RCSD1: variants seen among roughly 807,000 people sequenced by gnomAD.
RCSD1 encodes the protein RCSD domain containing 1, also known as capZ-interacting protein.
A neutral mutation model predicts 42.5 loss-of-function variants in RCSD1; 26 were observed. That is an observed-to-expected ratio of 0.61 (90% CI 0.45 to 0.85). The LOEUF is 0.85. RCSD1 is among the 40% of genes least tolerant of loss of function. The pLI is 0.00. For missense variants in RCSD1, 571 were observed against 528.3 expected (o/e 1.08, Z -0.79); for synonymous variants, 220 against 212.2 (o/e 1.04, Z -0.32).
At position 167,667,324 on chromosome 1, in the gene RCSD1, G is replaced by T. The variant is rs543225931; in HGVS notation, c.7-16576G>T. Among the ~76,000 whole-genome samples, 230 of 152,296 alleles carry T rather than the reference G, an allele frequency of 1.5e-3. 1 individual carries two copies. Among genetic ancestry groups the T allele is most frequent in the Admixed American group, 3.4e-3 (52 of 15,302 alleles). Reference sequence around the variant, plus strand: ...GTGACTGAAGGCAGATACTGAGACCGGACCAGAGATGTGGACTTCAGAACT... The same window carrying T: ...GTGACTGAAGGCAGATACTGAGACCTGACCAGAGATGTGGACTTCAGAACT... On this transcript the variant is annotated intron_variant, in intron 1 of 6. Transcript: ENST00000367854.
chr1:167,683,386 C>A (rs1326728564), intron 1 of RCSD1, among the ~76,000 whole-genome samples: 1 of 152,238 alleles, frequency 6.6e-6, no homozygotes. Context: ...GGCAGTTTGG[C>A]TCCCATCCAC....
chr1:167,697,099 G>T lies in RCSD1; in HGVS notation c.475G>T (p.Val159Leu). The T allele has an allele frequency of 6.2e-7, 1 of 1,610,148 alleles. No individual in the cohort carries two copies. The highest frequency in any genetic ancestry group is 8.5e-7 in the Non-Finnish European group (1 of 1,178,082). The change falls in exon 6 of 7, where the codon GTG becomes TTG. Residue 159 changes from valine to leucine, a missense_variant and splice_region_variant. Val to Leu is a conservative substitution (Grantham distance 32). Transcript: ENST00000367854. The part of the protein sequence containing the change: ...EGSHLPCYNK[V>L]RTRGSIKRRP... ...AACTTTCCTTAACACTTTCTTCTAG[G>T]TGCGGACGAGGGGCTCAATAAAAAG...
At chr1:167,670,789 GGCATCATCTTGA>G (rs1658788782) in intron 1 of RCSD1, among the ~76,000 whole-genome samples, 1 of 151,840 alleles carries the variant, frequency 6.6e-6, no homozygotes, top group Non-Finnish European at 1.5e-5. Flanking sequence ...CAGAAATCTG[GGCATCATCTTGA>G]CTCCACCCTG....
rs150804905 is a variant in RCSD1, at chr1:167,694,249, C to A, written c.421C>A (p.Pro141Thr). Residue 141 changes from proline (P) to threonine (T), a missense_variant, in exon 5 of 7, where the codon CCT becomes ACT. Coordinates refer to ENST00000367854, the MANE Select transcript of RCSD1 (RefSeq NM_052862.4). ...RSRPSEAEEVPVSFDQPPEGS... is the reference protein window; with the variant it reads ...RSRPSEAEEVTVSFDQPPEGS... ...TAGGCCCAGCGAGGCAGAGGAGGTG[C>A]CTGTCAGCTTCGACCAGCCCCCTGA... The A allele has an allele frequency of 6.8e-6, 11 of 1,614,088 alleles. No individual in the cohort carries two copies. Among genetic ancestry groups the A allele is most frequent in the East Asian group, 6.7e-5 (3 of 44,890 alleles).
intron 6 of RCSD1, among the ~76,000 whole-genome samples, chr1:167,702,389 G>A (rs919670447): frequency 3.3e-5 from 5 of 152,224 alleles, no homozygotes; most frequent in Admixed American, 2.6e-4. Context: ...CAAGCTGGAC[G>A]TATCAAGTCA....
Position 167,697,586 on chromosome 1 carries a change from G to A in RCSD1, c.962G>A (p.Arg321Lys), listed in dbSNP as rs372072962. 4 of 1,608,006 alleles carry A rather than the reference G, an allele frequency of 2.5e-6. No homozygotes were observed. The highest frequency in any genetic ancestry group is 3.4e-6 in the Non-Finnish European group (4 of 1,177,348). Residue 321 changes from arginine to lysine, a missense_variant, in exon 6 of 7, where the codon AGG (arginine) becomes AAG (lysine). Transcript: ENST00000367854. ...MEKATEVKGERVQNEEVGPEH... is the reference protein window; with the variant it reads ...MEKATEVKGEKVQNEEVGPEH... ...AAGGCTACAGAGGTGAAGGGGGAGAGGGTGCAAAATGAAGAGGTGGGACCT... is the reference window on the plus strand; with the variant it reads ...AAGGCTACAGAGGTGAAGGGGGAGAAGGTGCAAAATGAAGAGGTGGGACCT...
intron 1 of RCSD1, among the ~76,000 whole-genome samples, chr1:167,665,532 G>A (rs929106063): frequency 2.0e-5 from 3 of 152,182 alleles, no homozygotes; most frequent in Non-Finnish European, 4.4e-5. Flanking sequence ...TTCACGAGCA[G>A]CTACCAAAAT....
chr1:167,664,228 A>G (rs372331024), intron 1 of RCSD1: 5 of 152,388 alleles, frequency 3.3e-5, no homozygotes, highest in East Asian at 3.9e-4. Context: ...TGTCTCCACT[A>G]TCTTGCTGCA....
chr1:167,693,177 A>G (rs192806861), intron 4 of RCSD1, among the ~76,000 whole-genome samples: 297 of 152,252 alleles, frequency 2.0e-3, no homozygotes, highest in African/African-American at 6.8e-3. Context: ...AGTCTCAAAG[A>G]GGCTCTGTCT....
At chr1:167,653,384 C>T (rs1658355300) in intron 1 of RCSD1, among the ~76,000 whole-genome samples, 1 of 152,236 alleles carries the variant, frequency 6.6e-6, no homozygotes, top group South Asian at 2.1e-4. Context: ...CAGTGGTTCT[C>T]AACTCTGGAT....
At chr1:167,634,815 A>T (rs1272064819) in intron 1 of RCSD1, among the ~76,000 whole-genome samples, 2 of 152,170 alleles carry the variant, frequency 1.3e-5, no homozygotes, top group Non-Finnish European at 2.9e-5. Context: ...TTTGTCATTC[A>T]TGGACCTACT....
intron 1 of RCSD1, among the ~76,000 whole-genome samples, chr1:167,654,094 G>A (rs1334201321): frequency 6.6e-6 from 1 of 152,200 alleles, no homozygotes; most frequent in Non-Finnish European, 1.5e-5. Flanking sequence ...GATCAAATGA[G>A]ATCATCTTCG....
At chr1:167,630,514 A>G (rs2102188536) in intron 1 of RCSD1, 85 bp downstream of exon 1, 1 of 1,347,922 alleles carries the variant, frequency 7.4e-7, no homozygotes, top group Middle Eastern at 1.9e-4. Flanking sequence ...CCCTGCCCTG[A>G]GCATGGAGCA....
chr1:167,647,715 G>A (rs1263945871), intron 1 of RCSD1, among the ~76,000 whole-genome samples: 1 of 152,042 alleles, frequency 6.6e-6, no homozygotes, highest in African/African-American at 2.4e-5. Flanking sequence ...CTCCAGCCTG[G>A]GTGACAGAGT....
At chr1:167,693,966 G>C (rs1029380766) in intron 4 of RCSD1, 133 bp from the exon 5 acceptor site, 2 of 755,970 alleles carry the variant, frequency 2.6e-6, no homozygotes, top group Non-Finnish European at 4.4e-6. Flanking sequence ...TGGATAATGG[G>C]TTGGGAAGTA....
At chr1:167,663,375 T>A in intron 1 of RCSD1, 1 of 151,738 alleles carries the variant, frequency 6.6e-6, no homozygotes, top group Non-Finnish European at 1.5e-5. Context: ...GGACTTGCCC[T>A]TTATGGCCCC....
intron 4 of RCSD1, among the ~76,000 whole-genome samples, chr1:167,693,682 C>T (rs1013337229): frequency 6.6e-6 from 1 of 152,144 alleles, no homozygotes; most frequent in Admixed American, 6.5e-5. Flanking sequence ...CTACATGTGC[C>T]CTGCAATAGT....
Position 167,707,456 on chromosome 1 carries a change from C to T in RCSD1, c.*2760C>T, listed in dbSNP as rs933132824. On this transcript the variant is annotated 3_prime_UTR_variant, in exon 7 of 7. Coordinates refer to ENST00000367854, the MANE Select transcript of RCSD1 (RefSeq NM_052862.4). Reference sequence around the variant, plus strand: ...TGATGAAAAACAGAACTATACAGATCAATGAATCTCTCCCCCTTTTTCAGC... The same window carrying T: ...TGATGAAAAACAGAACTATACAGATTAATGAATCTCTCCCCCTTTTTCAGC... Among the ~76,000 whole-genome samples the T allele has an allele frequency of 3.9e-5, 6 of 152,100 alleles. No individual in the cohort carries two copies. The highest frequency in any genetic ancestry group is 2.1e-4 in the South Asian group (1 of 4,826).
rs1313815483 is a variant in RCSD1, at chr1:167,704,887, TG to T, written c.*192del. The T allele has an allele frequency of 1.6e-5, 9 of 562,476 alleles. No individual in the cohort carries two copies. Among genetic ancestry groups the T allele is most frequent in the Admixed American group, 3.0e-5 (1 of 33,854 alleles). 34.8% of individuals were successfully genotyped at this position (562,476 alleles called of 1,614,324 possible). On this transcript the variant is annotated 3_prime_UTR_variant, in exon 7 of 7. Transcript: ENST00000367854. ...CAAACGTTCCCTTGCAGATGGAGAC[TG>T]AATCTGAGGGCAGCAGACTTTTATC... is the stretch of plus-strand genomic sequence containing the variant.
Sources: gnomAD v4.1 joint callset for allele counts (sites outside exome capture counted in the v4.1 genomes callset) on GRCh38, gnomAD v4.1.1 for gene constraint, MANE v1.5 for transcripts, NCBI Gene and HGNC (gene_info 2026-07-23, HGNC 2026-07-21) for gene names.